NAA35: variants seen among roughly 807,000 people sequenced by gnomAD.
NAA35 encodes the protein MAK10 homolog, amino-acid N-acetyltransferase subunit.
In NAA35, 18 loss-of-function variants were observed where a neutral mutation model predicts 101.7. That is an observed-to-expected ratio of 0.18 (90% CI 0.12 to 0.26). The LOEUF (loss-of-function observed/expected upper bound fraction) is 0.26. Ranked by LOEUF, NAA35 falls within the 10% of genes least tolerant of loss-of-function variation. The pLI, the probability that NAA35 is intolerant of heterozygous loss-of-function variation, is 1.00. For synonymous variants in NAA35, 267 were observed against 273.1 expected, an observed-to-expected ratio of 0.98 and a Z score of 0.22; for missense variants, 601 against 886.8, an observed-to-expected ratio of 0.68 and a Z score of 4.09.
chr9:85,955,698 A>G (rs191218528), intron 2 of NAA35, among the ~76,000 whole-genome samples: 53 of 152,244 alleles, frequency 3.5e-4, no homozygotes, highest in Non-Finnish European at 6.3e-4. Context: ...ATGTTATAGC[A>G]GTGATTTCTG....
chr9:86,001,888 T>A (rs1831432126), intron 12 of NAA35, among the ~76,000 whole-genome samples: 1 of 152,216 alleles, frequency 6.6e-6, no homozygotes, highest in African/African-American at 2.4e-5. Context: ...ATGATATGTG[T>A]GGATTTGATC....
In NAA35 at chr9:86,009,931, G is replaced by A. The variant is rs1464253530; in HGVS notation, c.1290G>A (p.Arg430=). 1.2e-6 allele frequency: 2 copies of A among 1,611,132 alleles called. No individual in the cohort carries two copies. Among genetic ancestry groups the A allele is most frequent in the African/African-American group, 1.3e-5 (1 of 74,774 alleles). The change falls in exon 15 of 23, where the codon CGG becomes CGA. Residue 430 remains arginine, a splice_region_variant and synonymous_variant. Coordinates refer to ENST00000361671, the MANE Select transcript of NAA35 (RefSeq NM_024635.4). The stretch of plus-strand genomic sequence containing the variant: ...ACTCCTTTGTTACTCACTGTGTTCG[G>A]GTAAGAGCTACAATTTGGATTGTCA... ...CIDSFVTHCV[R]PFCSLIQIHG...
chr9:85,976,179 T>C (rs962100944), intron 8 of NAA35, among the ~76,000 whole-genome samples: 1 of 152,228 alleles, frequency 6.6e-6, no homozygotes, highest in Non-Finnish European at 1.5e-5. Flanking sequence ...CAACTTCTAG[T>C]AGATCTTCCT....
intron 6 of NAA35, among the ~76,000 whole-genome samples, chr9:85,972,241 C>G (rs534305052): frequency 3.3e-5 from 5 of 151,980 alleles, no homozygotes; most frequent in Non-Finnish European, 7.4e-5. Context: ...TGTGGTGGCT[C>G]ACACCTGTAA....
chr9:85,963,069 T>C lies in NAA35; in HGVS notation c.516+889T>C, dbSNP rs143860453. On this transcript the variant is annotated intron_variant, in intron 6 of 22. Transcript: ENST00000361671. ...GAAAATGTGATAGCATTTGAAATTATTGATAACTATTTTTGTTAAATTCTT... is the reference window on the plus strand; with the variant it reads ...GAAAATGTGATAGCATTTGAAATTACTGATAACTATTTTTGTTAAATTCTT... Among the ~76,000 whole-genome samples the C allele has an allele frequency of 1.3e-3, 191 of 152,278 alleles. 1 individual carries two copies. Among genetic ancestry groups the C allele is most frequent in the Non-Finnish European group, 2.1e-3 (141 of 68,016 alleles).
chr9:85,991,404 GA>G (rs1270603482), intron 11 of NAA35, among the ~76,000 whole-genome samples: 1 of 152,106 alleles, frequency 6.6e-6, no homozygotes, highest in Admixed American at 6.5e-5. Context: ...TAAGCATGTT[GA>G]AAAAGGTGTC....
At position 85,975,053 on chromosome 9, in the gene NAA35, T is replaced by G. The variant is rs1347321199; in HGVS notation, c.583+20T>G. The G allele has an allele frequency of 2.5e-6, 4 of 1,611,960 alleles. No individual in the cohort carries two copies. In the African/African-American group the frequency reaches 5.3e-5, roughly 22 times the overall value. On this transcript the variant is annotated intron_variant, in intron 7 of 22. Transcript: ENST00000361671. Reference sequence around the variant, plus strand: ...TTACAGGTAAAATTATTTTTAAAGTTAATTCACAAGTTTTACATTTTCATA... The same window carrying G: ...TTACAGGTAAAATTATTTTTAAAGTGAATTCACAAGTTTTACATTTTCATA...
Position 86,007,443 on chromosome 9 carries a change from G to T in NAA35, c.1202G>T (p.Ser401Ile). 1 of 1,613,464 alleles carries T rather than the reference G, an allele frequency of 6.2e-7. No homozygotes were observed. Among genetic ancestry groups the T allele is most frequent in the South Asian group, 1.1e-5 (1 of 91,020 alleles). Residue 401 changes from serine (S) to isoleucine (I), a missense_variant, in exon 14 of 23, where the codon AGT becomes ATT. Transcript: ENST00000361671. The stretch of plus-strand genomic sequence containing the variant: ...AAAGATGCACTTCGGTCTTTTGTCA[G>T]TCCTCCGGTGCTTTCCCCCAAGTAA... ...MVKDALRSFV[S>I]PPVLSPKCYL... is the part of the protein sequence containing the mutation.
intron 22 of NAA35, 55 bp downstream of exon 22, chr9:86,021,024 G>T (rs6559892): frequency 0.22 from 282,851 of 1,315,232 alleles, 37,035 homozygotes; most frequent in African/African-American, 0.59. Flanking sequence ...AGTTTCATAA[G>T]TTTTGCAATA....
intron 13 of NAA35, among the ~76,000 whole-genome samples, chr9:86,003,976 A>G (rs183944309): frequency 1.8e-3 from 279 of 152,350 alleles, no homozygotes; most frequent in African/African-American, 6.3e-3. Context: ...TAAGTAACAC[A>G]TGGGTCAAAG....
intron 11 of NAA35, among the ~76,000 whole-genome samples, chr9:85,992,440 A>G (rs2118220048): frequency 1.3e-5 from 2 of 152,278 alleles, no homozygotes; most frequent in East Asian, 3.9e-4. Flanking sequence ...TTTCAAAGGG[A>G]AAGGGAGTAA....
intron 12 of NAA35, among the ~76,000 whole-genome samples, chr9:85,998,462 T>C (rs1831274574): frequency 6.6e-6 from 1 of 152,182 alleles, no homozygotes; most frequent in Admixed American, 6.5e-5. Context: ...TGAATATATT[T>C]ATAGGTAACT....
In NAA35 at chr9:86,024,714, A is replaced by G. The variant is rs956062838; in HGVS notation, c.*2754A>G. On this transcript the variant is annotated 3_prime_UTR_variant, in exon 23 of 23. Transcript: ENST00000361671. ...GACGATGGTGGTGCCACTTGTGTAG[A>G]TATCTAGGCAAGGTAGGAGACCAGG... is the stretch of plus-strand genomic sequence containing the variant. Among the ~76,000 whole-genome samples the G allele has an allele frequency of 1.3e-5, 2 of 152,130 alleles. No individual in the cohort carries two copies. The highest frequency in any genetic ancestry group is 4.8e-5 in the African/African-American group (2 of 41,430).
intron 11 of NAA35, among the ~76,000 whole-genome samples, chr9:85,994,923 C>G (rs934116980): frequency 2.0e-5 from 3 of 152,150 alleles, no homozygotes; most frequent in African/African-American, 4.8e-5. Context: ...TTTGAAGTGA[C>G]AGATATCCTA....
chr9:86,023,929 C>G lies in NAA35; in HGVS notation c.*1969C>G, dbSNP rs1832675263. 6.6e-6 allele frequency among the ~76,000 whole-genome samples: 1 copy of G among 152,246 alleles called. No homozygotes were observed. The highest frequency in any genetic ancestry group is 2.4e-5 in the African/African-American group (1 of 41,452). On this transcript the variant is annotated 3_prime_UTR_variant, in exon 23 of 23. Transcript: ENST00000361671. The stretch of plus-strand genomic sequence containing the variant: ...AAACTTGTGGGCTCAAGCAGTCCTC[C>G]TGCCTCAGCCCCCAGAGTAGCTGGG...
At chr9:85,995,468 A>G (rs1445742657) in intron 11 of NAA35, among the ~76,000 whole-genome samples, 1 of 152,096 alleles carries the variant, frequency 6.6e-6, no homozygotes, top group African/African-American at 2.4e-5. Context: ...AATACAGAGA[A>G]GAGGAAAAAG....
chr9:85,983,241 T>TC (rs1245423620), intron 11 of NAA35, among the ~76,000 whole-genome samples: 5 of 152,198 alleles, frequency 3.3e-5, no homozygotes, highest in Admixed American at 6.5e-5. Context: ...CTACTTTGAT[T>TC]CCCCATCTGC....
intron 2 of NAA35, among the ~76,000 whole-genome samples, chr9:85,949,299 CTT>C (rs56828555): frequency 2.9e-5 from 4 of 140,036 alleles, no homozygotes; most frequent in Non-Finnish European, 3.1e-5. Flanking sequence ...TTTTCTTTTT[CTT>C]TTTTTTTTTT....
At chr9:86,011,213 T>G (rs2118411770) in intron 15 of NAA35, among the ~76,000 whole-genome samples, 1 of 150,888 alleles carries the variant, frequency 6.6e-6, no homozygotes, top group East Asian at 2.1e-4. Flanking sequence ...CACTCCAGCC[T>G]GGGCAACAAG....
Sources: gnomAD v4.1 joint callset for allele counts (sites outside exome capture counted in the v4.1 genomes callset) on GRCh38, gnomAD v4.1.1 for gene constraint, MANE v1.5 for transcripts, NCBI Gene and HGNC (gene_info 2026-07-23, HGNC 2026-07-21) for gene names.